PLS3: variants seen among roughly 807,000 people sequenced by gnomAD.
PLS3 encodes plastin-3.
A neutral mutation model predicts 46.5 loss-of-function variants in PLS3; 11 were observed. The ratio of observed to expected loss-of-function variants is 0.24; its 90% CI spans 0.15 to 0.39. The LOEUF is 0.39. Among genes scored for constraint, PLS3 ranks in the 10% least tolerant of loss-of-function variants. The pLI, the probability that PLS3 is intolerant of heterozygous loss-of-function variation, is 1.00. For synonymous variants in PLS3, 167 were observed against 162.2 expected, an observed-to-expected ratio of 1.03 and a Z score of -0.22; for missense variants, 308 against 461.8, an observed-to-expected ratio of 0.67 and a Z score of 3.05.
At position 115,622,350 on chromosome X, in the gene PLS3, C is replaced by T. The variant is rs2074664641; in HGVS notation, c.178C>T (p.Leu60Phe). The change falls in exon 3 of 16, where the codon CTC becomes TTC. Residue 60 changes from leucine (L) to phenylalanine (F), a missense_variant. By Grantham distance (22) the Leu-to-Phe change is conservative. Transcript: ENST00000355899. ...TAAAGTGAGAGAAATTATTCAGAAACTCATGCTGGATGGTGACAGGAATAA... is the reference window on the plus strand; with the variant it reads ...TAAAGTGAGAGAAATTATTCAGAAATTCATGCTGGATGGTGACAGGAATAA... ...GYKVREIIQK[L>F]MLDGDRNKDG... is the part of the protein sequence containing the mutation. 8.4e-7 allele frequency: 1 copy of T among 1,195,361 alleles called. No homozygotes were observed. The highest frequency in any genetic ancestry group is 1.1e-6 in the Non-Finnish European group (1 of 882,397).
chrX:115,564,912 C>T (rs1556629946), intron 1 of PLS3, among the ~76,000 whole-genome samples: 1 of 111,586 alleles, frequency 9.0e-6, no homozygotes, highest in Non-Finnish European at 1.9e-5. Flanking sequence ...GAAGAGTGAT[C>T]CAGAAGGCAA....
chrX:115,577,899 G>A (rs1556631393), intron 1 of PLS3, among the ~76,000 whole-genome samples: 1 of 111,440 alleles, frequency 9.0e-6, no homozygotes, highest in Non-Finnish European at 1.9e-5. Context: ...ACTTATTCAA[G>A]TACTTACCGA....
chrX:115,648,800 C>G (rs1046074394), intron 15 of PLS3, among the ~76,000 whole-genome samples: 6 of 111,917 alleles, frequency 5.4e-5, no homozygotes, highest in Non-Finnish European at 1.1e-4. Context: ...TCTAGAAACT[C>G]GATGATTTAA....
intron 1 of PLS3, among the ~76,000 whole-genome samples, chrX:115,574,517 A>G (rs2147420409): frequency 8.9e-6 from 1 of 112,264 alleles, no homozygotes; most frequent in Non-Finnish European, 1.9e-5. Context: ...TGTAGAGTCA[A>G]AGAAGAAATT....
intron 7 of PLS3, among the ~76,000 whole-genome samples, chrX:115,636,557 T>C (rs1394907579): frequency 8.9e-6 from 1 of 112,084 alleles, no homozygotes. Flanking sequence ...TACAAACATA[T>C]GACATAATGT....
At chrX:115,630,820 A>T (rs868967374) in intron 5 of PLS3, among the ~76,000 whole-genome samples, 1 of 92,712 alleles carries the variant, frequency 1.1e-5, no homozygotes, top group Non-Finnish European at 2.1e-5. Context: ...TAATATATAT[A>T]ATACATGTAT....
chrX:115,568,029 C>A (rs184945858), intron 1 of PLS3, among the ~76,000 whole-genome samples: 1 of 111,705 alleles, frequency 9.0e-6, no homozygotes, highest in African/African-American at 3.2e-5. Flanking sequence ...CTGAAAATAA[C>A]GCTTTCATTC....
At chrX:115,603,780 C>T (rs782246516) in intron 1 of PLS3, among the ~76,000 whole-genome samples, 1 of 111,278 alleles carries the variant, frequency 9.0e-6, no homozygotes, top group Non-Finnish European at 1.9e-5. Flanking sequence ...AAGAAATAAA[C>T]ACATAAAGTC....
intron 2 of PLS3, among the ~76,000 whole-genome samples, chrX:115,620,932 G>T (rs782270345): frequency 6.4e-5 from 7 of 109,302 alleles, no homozygotes; most frequent in African/African-American, 2.3e-4. Context: ...GACCTCAAGT[G>T]ATCCGCCTGC....
chrX:115,618,086 C>A (rs1164157800), intron 2 of PLS3, among the ~76,000 whole-genome samples: 1 of 111,353 alleles, frequency 9.0e-6, no homozygotes, highest in Non-Finnish European at 1.9e-5. Flanking sequence ...GCCACCAGTC[C>A]CAGCCACCAG....
chrX:115,641,036 AT>A (rs1556640947), intron 9 of PLS3, among the ~76,000 whole-genome samples: 2 of 110,480 alleles, frequency 1.8e-5, no homozygotes, highest in Non-Finnish European at 3.8e-5. Context: ...TCAAAATTGG[AT>A]TTCACTTTGT....
Position 115,649,605 on chromosome X carries a change from T to C in PLS3, c.*44T>C, listed in dbSNP as rs782569755. 5 of 1,142,222 alleles carry C rather than the reference T, an allele frequency of 4.4e-6. No individual in the cohort carries two copies. In the South Asian group the frequency reaches 1.0e-4, roughly 23 times the overall value. The allele number at this position is 1,142,222 out of a possible 1,213,427, so 94.1% of individuals were successfully genotyped here. A position where few individuals can be genotyped will look rare whatever the true frequency, so the allele number is the denominator to read the frequency against. ...AACAGCCATGCTCCCAGGTGCATGA[T>C]TCGCAGGTCAGCTATTTCCAGGTGA... On this transcript the variant is annotated 3_prime_UTR_variant, in exon 16 of 16. Coordinates refer to ENST00000355899, the MANE Select transcript of PLS3 (RefSeq NM_005032.7).
At chrX:115,582,898 A>G (rs1603222128) in intron 1 of PLS3, among the ~76,000 whole-genome samples, 1 of 111,965 alleles carries the variant, frequency 8.9e-6, no homozygotes, top group South Asian at 3.7e-4. Flanking sequence ...AAGATTAGCC[A>G]GGCATGGTGG....
chrX:115,589,200 G>T (rs1385900855), intron 1 of PLS3, among the ~76,000 whole-genome samples: 10 of 110,587 alleles, frequency 9.0e-5, no homozygotes, highest in African/African-American at 3.3e-4. Flanking sequence ...TCGAACTCCC[G>T]GGCTAAAGTG....
chrX:115,617,641 T>C (rs2074610162), intron 2 of PLS3, among the ~76,000 whole-genome samples: 1 of 112,187 alleles, frequency 8.9e-6, no homozygotes, highest in Non-Finnish European at 1.9e-5. Context: ...TATCGGGAGA[T>C]TTGCAGCCTA....
At chrX:115,597,596 G>T (rs782719519) in intron 1 of PLS3, among the ~76,000 whole-genome samples, 1 of 111,466 alleles carries the variant, frequency 9.0e-6, no homozygotes, top group Non-Finnish European at 1.9e-5. Flanking sequence ...ATAGTAGTAG[G>T]GTTTTTCAGG....
chrX:115,640,242 CAGAT>C (rs1471375942), intron 8 of PLS3, 162 bp from the exon 9 acceptor site: 1 of 645,719 alleles, frequency 1.5e-6, no homozygotes, highest in East Asian at 3.5e-5. Flanking sequence ...AGATATAAGG[CAGAT>C]AGATGGACTT....
At chrX:115,587,904 T>G (rs1233655717) in intron 1 of PLS3, among the ~76,000 whole-genome samples, 2 of 112,095 alleles carry the variant, frequency 1.8e-5, no homozygotes, top group Non-Finnish European at 3.8e-5. Flanking sequence ...AATTAGAGCT[T>G]TCAAGCAAAA....
intron 1 of PLS3, among the ~76,000 whole-genome samples, chrX:115,595,573 G>C (rs1258006893): frequency 9.1e-6 from 1 of 110,311 alleles, no homozygotes; most frequent in African/African-American, 3.3e-5. Flanking sequence ...TGTAGAATCT[G>C]TGATGGGTTT....
Sources: gnomAD v4.1 joint callset for allele counts (sites outside exome capture counted in the v4.1 genomes callset) on GRCh38, gnomAD v4.1.1 for gene constraint, MANE v1.5 for transcripts, NCBI Gene and HGNC (gene_info 2026-07-23, HGNC 2026-07-21) for gene names.